Variants in FHIT observed in about 807,000 individuals in gnomAD.
FHIT encodes the protein bis(5'-adenosyl)-triphosphatase.
FHIT carries 19 observed loss-of-function variants against 17.9 expected under a neutral mutation model. That is an observed-to-expected ratio of 1.06 (90% CI 0.74 to 1.56). The LOEUF (loss-of-function observed/expected upper bound fraction) is 1.56, where lower values mean the gene tolerates loss of function less well. Ranked by LOEUF, FHIT falls within the 40% of genes most tolerant of loss-of-function variation. The pLI is 0.00. For synonymous variants in FHIT, 81 were observed against 69.7 expected (o/e 1.16, Z -0.81); for missense variants, 248 against 189.2 (o/e 1.31, Z -1.82).
chr3:60,545,867 T>TTC (rs1491211530), intron 4 of FHIT, among the ~76,000 whole-genome samples: 1 of 608 alleles, frequency 1.6e-3, no homozygotes, highest in Non-Finnish European at 2.7e-3. Flanking sequence ...CAAATCTCTC[T>TTC]TTGTCTCATT....
At chr3:59,782,050 C>CA (rs35104072) in intron 8 of FHIT, among the ~76,000 whole-genome samples, 45,803 of 152,066 alleles carry the variant, frequency 0.3, 7,287 homozygotes, top group East Asian at 0.56. Flanking sequence ...TGGACAGAGA[C>CA]AGAGACTTCC....
intron 3 of FHIT, among the ~76,000 whole-genome samples, chr3:60,918,040 T>C (rs1258360810): frequency 2.0e-5 from 3 of 152,184 alleles, no homozygotes; most frequent in Admixed American, 6.5e-5. Flanking sequence ...AATTGAATCA[T>C]GGGGGCACTT....
intron 5 of FHIT, among the ~76,000 whole-genome samples, chr3:60,373,452 A>G (rs985657039): frequency 6.6e-6 from 1 of 152,198 alleles, no homozygotes. Context: ...ATAGTGTGAG[A>G]CTAGGCAGAG....
chr3:60,962,198 A>T (rs1553781219), intron 3 of FHIT, among the ~76,000 whole-genome samples: 2 of 152,154 alleles, frequency 1.3e-5, no homozygotes, highest in African/African-American at 4.8e-5. Context: ...GCAATTGTGA[A>T]TGGGAGTTCA....
intron 5 of FHIT, among the ~76,000 whole-genome samples, chr3:60,355,659 T>C: frequency 6.6e-6 from 1 of 152,198 alleles, no homozygotes; most frequent in Non-Finnish European, 1.5e-5. Context: ...GCAGCAGCTA[T>C]CTACAAATAG....
chr3:60,956,914 G>A (rs1220888659), intron 3 of FHIT, among the ~76,000 whole-genome samples: 8 of 89,108 alleles, frequency 9.0e-5, no homozygotes, highest in East Asian at 2.5e-4. Context: ...TTTCAGTTTC[G>A]GGGGGTCACA....
intron 3 of FHIT, among the ~76,000 whole-genome samples, chr3:60,980,665 A>G (rs537547824): frequency 7.5e-4 from 114 of 152,284 alleles, no homozygotes; most frequent in Non-Finnish European, 1.1e-3. Context: ...GGGGACATTT[A>G]CACTGGATGC....
intron 5 of FHIT, among the ~76,000 whole-genome samples, chr3:60,272,601 A>T (rs1706915752): frequency 6.6e-6 from 1 of 152,312 alleles, no homozygotes; most frequent in Admixed American, 6.5e-5. Flanking sequence ...AAACTAATCA[A>T]AGAATACTCT....
intron 5 of FHIT, among the ~76,000 whole-genome samples, chr3:60,305,203 G>A (rs1051173866): frequency 6.6e-6 from 1 of 152,048 alleles, no homozygotes; most frequent in Non-Finnish European, 1.5e-5. Context: ...AGGCAGAGAT[G>A]AAAGGACATA....
rs530878023 is a variant in FHIT at position 60,343,895 on chromosome 3, C to T, written c.103+192965G>A. On this transcript the variant is annotated intron_variant, in intron 5 of 9. Coordinates refer to ENST00000492590, the MANE Select transcript of FHIT (RefSeq NM_002012.4). ...TCCATGAAGCATGCTTTTGGTGGCT[C>T]ATGTTGTAAAAATCATGTATCACTT... Among the ~76,000 whole-genome samples the T allele has an allele frequency of 1.3e-3, 194 of 152,238 alleles. 2 individuals are homozygous for T. The highest frequency in any genetic ancestry group is 4.4e-3 in the African/African-American group (184 of 41,564).
intron 5 of FHIT, among the ~76,000 whole-genome samples, chr3:60,198,668 C>G (rs1175336826): frequency 6.6e-6 from 1 of 152,152 alleles, no homozygotes; most frequent in African/African-American, 2.4e-5. Flanking sequence ...CCATCACCGT[C>G]AACTTATGGT....
chr3:60,576,498 G>A (rs1553657655), intron 4 of FHIT, among the ~76,000 whole-genome samples: 1 of 152,080 alleles, frequency 6.6e-6, no homozygotes, highest in African/African-American at 2.4e-5. Flanking sequence ...CCGAGTCCTT[G>A]GAGCATAAAA....
intron 5 of FHIT, among the ~76,000 whole-genome samples, chr3:60,138,315 G>A (rs2107290484): frequency 1.3e-5 from 2 of 152,280 alleles, no homozygotes; most frequent in East Asian, 3.9e-4. Flanking sequence ...AAGAGAGTTT[G>A]GAGTTATTTG....
chr3:60,561,111 T>G (rs540140732), intron 4 of FHIT, among the ~76,000 whole-genome samples: 1 of 152,184 alleles, frequency 6.6e-6, no homozygotes, highest in South Asian at 2.1e-4. Flanking sequence ...ATTTTTTTAA[T>G]GTATCTTAGA....
intron 4 of FHIT, among the ~76,000 whole-genome samples, chr3:60,744,946 T>C (rs1295029627): frequency 6.6e-6 from 1 of 152,176 alleles, no homozygotes; most frequent in Non-Finnish European, 1.5e-5. Context: ...CCATAGTCCC[T>C]GTCCTTAGAA....
At chr3:59,922,210 A>G (rs975039875) in intron 8 of FHIT, 136 bp downstream of exon 8, 3 of 769,378 alleles carry the variant, frequency 3.9e-6, no homozygotes, top group African/African-American at 1.7e-5. Context: ...CTTGGCCTCT[A>G]TTGCCACTTT....
intron 3 of FHIT, among the ~76,000 whole-genome samples, chr3:60,838,265 G>A (rs1334781839): frequency 6.6e-6 from 1 of 152,124 alleles, no homozygotes; most frequent in East Asian, 1.9e-4. Context: ...CTGAGCTCAG[G>A]AGTTCGCGAC....
intron 2 of FHIT, among the ~76,000 whole-genome samples, chr3:61,109,845 C>T (rs983117966): frequency 6.6e-6 from 1 of 152,148 alleles, no homozygotes; most frequent in Non-Finnish European, 1.5e-5. Context: ...GGCCAAACAC[C>T]TTGGAGTCCA....
At chr3:60,014,210 C>G in intron 5 of FHIT, 58 bp from the exon 6 acceptor site, 1 of 1,566,752 alleles carries the variant, frequency 6.4e-7, no homozygotes. Flanking sequence ...TCTTACCAAG[C>G]AGTTCATACC....
Sources: allele counts gnomAD v4.1 joint callset (sites outside exome capture counted in the v4.1 genomes callset), GRCh38; gene constraint gnomAD v4.1.1; transcripts MANE v1.5; gene names NCBI Gene and HGNC (gene_info 2026-07-23, HGNC 2026-07-21).